The following CFAP54 variants were observed in gnomAD, a reference collection of about 807,000 sequenced individuals.
The protein encoded by CFAP54 is cilia- and flagella-associated protein 54.
CFAP54 carries 290 observed loss-of-function variants against 370.4 expected under a neutral mutation model. The observed-to-expected ratio is 0.78, with a 90% CI of 0.71 to 0.86. The LOEUF is 0.86. Among genes scored for constraint, CFAP54 ranks in the 40% least tolerant of loss-of-function variants. The pLI, the probability that CFAP54 is intolerant of heterozygous loss-of-function variation, is 0.00. For synonymous variants in CFAP54, 1,206 were observed against 1,236.5 expected, an observed-to-expected ratio of 0.98 and a Z score of 0.52; for missense variants, 3,399 against 3,528.7, an observed-to-expected ratio of 0.96 and a Z score of 0.93.
At chr12:96,614,163 C>A (rs1435208021) in intron 26 of CFAP54, among the ~76,000 whole-genome samples, 1 of 152,208 alleles carries the variant, frequency 6.6e-6, no homozygotes, top group African/African-American at 2.4e-5. Flanking sequence ...AGCTTATCCA[C>A]CATGATCAAG....
intron 19 of CFAP54, among the ~76,000 whole-genome samples, chr12:96,571,855 T>A (rs768398068): frequency 6.6e-6 from 1 of 152,228 alleles, no homozygotes; most frequent in Non-Finnish European, 1.5e-5. Context: ...AAATTAGGAT[T>A]CTAGTTTTTA....
chr12:96,556,930 G>C (rs114975258), intron 17 of CFAP54, among the ~76,000 whole-genome samples: 3 of 151,978 alleles, frequency 2.0e-5, no homozygotes, highest in Admixed American at 6.6e-5. Context: ...GAGGGAGAAG[G>C]TCTGGAAAAA....
chr12:96,588,941 T>C (rs1250868674), intron 22 of CFAP54, among the ~76,000 whole-genome samples: 7 of 152,234 alleles, frequency 4.6e-5, no homozygotes. Context: ...TATACTCTTT[T>C]CAGCTCGTGA....
chr12:96,786,553 T>C, intron 61 of CFAP54, 122 bp from the exon 62 acceptor site: 7 of 691,084 alleles, frequency 1.0e-5, no homozygotes, highest in Non-Finnish European at 1.6e-5. Flanking sequence ...AGGGACGTCA[T>C]TGGCAGCCTC....
chr12:96,868,176 ACT>A (rs1375604673), intron 67 of CFAP54, among the ~76,000 whole-genome samples: 1 of 151,636 alleles, frequency 6.6e-6, no homozygotes, highest in Non-Finnish European at 1.5e-5. Flanking sequence ...CTCTTATCAC[ACT>A]CATTCTATTT....
intron 26 of CFAP54, among the ~76,000 whole-genome samples, chr12:96,603,057 G>C (rs1956261653): frequency 1.3e-5 from 2 of 152,164 alleles, no homozygotes; most frequent in African/African-American, 4.8e-5. Flanking sequence ...AGTGTCAATG[G>C]TCTTTACAAT....
At position 96,626,834 on chromosome 12, in the gene CFAP54, C is replaced by T. The variant is rs1348659568; in HGVS notation, c.3998C>T (p.Pro1333Leu). ...VKEVMKFKQK[P>L]RFLEFFTQVM... The stretch of plus-strand genomic sequence containing the variant: ...ACAGTTATGAAATTTAAGCAAAAAC[C>T]AAGATTTCTGGAATTCTTTACACAA... The change falls in exon 30 of 68, where the codon CCA (proline) becomes CTA (leucine). Residue 1333 changes from proline to leucine, a missense_variant. Transcript: ENST00000524981. 1 of 1,396,294 alleles carries T rather than the reference C, an allele frequency of 7.2e-7. No homozygotes were observed. Among genetic ancestry groups the T allele is most frequent in the Non-Finnish European group, 9.4e-7 (1 of 1,058,774 alleles). 86.5% of individuals were successfully genotyped at this position (1,396,294 alleles called of 1,614,324 possible).
At chr12:96,846,766 G>A (rs887460682) in intron 66 of CFAP54, among the ~76,000 whole-genome samples, 1 of 152,126 alleles carries the variant, frequency 6.6e-6, no homozygotes, top group Non-Finnish European at 1.5e-5. Flanking sequence ...GTGCAGACTG[G>A]GTGCCAAGGA....
At chr12:96,744,823 T>C (rs1273288900) in intron 55 of CFAP54, among the ~76,000 whole-genome samples, 1 of 152,206 alleles carries the variant, frequency 6.6e-6, no homozygotes, top group Non-Finnish European at 1.5e-5. Context: ...CCAGCATTCA[T>C]TGGCCATTCT....
intron 39 of CFAP54, among the ~76,000 whole-genome samples, chr12:96,676,809 G>T (rs1427246572): frequency 6.6e-6 from 1 of 152,040 alleles, no homozygotes; most frequent in East Asian, 1.9e-4. Context: ...TTATAGGCAT[G>T]AACCACCACA....
chr12:96,735,731 A>G (rs1031150772), intron 50 of CFAP54, among the ~76,000 whole-genome samples: 3 of 152,224 alleles, frequency 2.0e-5, no homozygotes, highest in African/African-American at 7.2e-5. Context: ...TCTTCATCCT[A>G]TATGTAGGGA....
chr12:96,506,073 C>T (rs977237168), intron 3 of CFAP54, among the ~76,000 whole-genome samples: 2 of 152,160 alleles, frequency 1.3e-5, no homozygotes, highest in African/African-American at 4.8e-5. Context: ...GGCGCGGTGG[C>T]TCACGCCTGT....
At chr12:96,718,405 G>A in intron 48 of CFAP54, 38 bp from the exon 49 acceptor site, 1 of 950,238 alleles carries the variant, frequency 1.1e-6, no homozygotes, top group Admixed American at 1.8e-5. Flanking sequence ...ACTAACCATA[G>A]ATATCCTTGG....
chr12:96,735,268 A>G (rs1012306701), intron 50 of CFAP54, among the ~76,000 whole-genome samples: 16 of 152,346 alleles, frequency 1.1e-4, no homozygotes, highest in African/African-American at 3.1e-4. Context: ...AATGTAACCC[A>G]TAGATGAAGA....
At chr12:96,800,814 G>A (rs1164682662) in intron 63 of CFAP54, among the ~76,000 whole-genome samples, 1 of 152,068 alleles carries the variant, frequency 6.6e-6, no homozygotes, top group East Asian at 1.9e-4. Context: ...TAAGATAAAC[G>A]CTTTCATTAG....
chr12:96,507,349 A>G (rs1955114274), intron 4 of CFAP54, among the ~76,000 whole-genome samples: 1 of 152,180 alleles, frequency 6.6e-6, no homozygotes, highest in African/African-American at 2.4e-5. Context: ...TTCAAAAAGC[A>G]GGGCCGCAGT....
chr12:96,748,528 T>G (rs1958145053), intron 55 of CFAP54, among the ~76,000 whole-genome samples: 1 of 152,178 alleles, frequency 6.6e-6, no homozygotes, highest in Admixed American at 6.5e-5. Flanking sequence ...TCTTTTTAAG[T>G]GTTTTCCTCA....
chr12:96,555,089 A>G (rs140705609), intron 17 of CFAP54: 53 of 196,882 alleles, frequency 2.7e-4, no homozygotes, highest in African/African-American at 1.1e-3. Context: ...ACATTTACTG[A>G]GTACCTACTA....
intron 12 of CFAP54, among the ~76,000 whole-genome samples, chr12:96,537,885 C>T (rs925815513): frequency 9.2e-5 from 14 of 151,624 alleles, no homozygotes; most frequent in Non-Finnish European, 1.5e-4. Flanking sequence ...GCCAGGGGTT[C>T]GAGACCAGCC....
Sources: gnomAD v4.1 joint callset for allele counts (sites outside exome capture counted in the v4.1 genomes callset) on GRCh38, gnomAD v4.1.1 for gene constraint, MANE v1.5 for transcripts, NCBI Gene and HGNC (gene_info 2026-07-23, HGNC 2026-07-21) for gene names.